Variants in IL1RAPL1 observed in about 807,000 individuals in gnomAD.
The protein encoded by IL1RAPL1 is interleukin-1 receptor accessory protein-like 1.
In IL1RAPL1, 3 loss-of-function variants were observed where a neutral mutation model predicts 48.4. The observed-to-expected ratio is 0.06, with a 90% CI of 0.03 to 0.16. The LOEUF (loss-of-function observed/expected upper bound fraction) is 0.16. Ranked by LOEUF, IL1RAPL1 falls within the 10% of genes least tolerant of loss-of-function variation. IL1RAPL1 has a pLI of 1.00. For synonymous variants in IL1RAPL1, 185 were observed against 187.7 expected, an observed-to-expected ratio of 0.99 and a Z score of 0.12; for missense variants, 349 against 530.6, an observed-to-expected ratio of 0.66 and a Z score of 3.36.
At chrX:28,624,267 T>G (rs143562263) in intron 1 of IL1RAPL1, among the ~76,000 whole-genome samples, 2 of 111,922 alleles carry the variant, frequency 1.8e-5, no homozygotes, top group East Asian at 5.7e-4. Context: ...TGTGTTTGAT[T>G]TCTGCTCCTT....
chrX:29,496,469 C>CT (rs60141942), intron 5 of IL1RAPL1, among the ~76,000 whole-genome samples: 25,661 of 73,079 alleles, frequency 0.35, 4,943 homozygotes, highest in East Asian at 0.57. Flanking sequence ...TTTCTTATTC[C>CT]TTTTTTTTTT....
rs35167913 is a variant in IL1RAPL1, at chrX:29,048,798, G to A, written c.83-234140G>A. On this transcript the variant is annotated intron_variant, in intron 2 of 10. Coordinates refer to ENST00000378993, the MANE Select transcript of IL1RAPL1 (RefSeq NM_014271.4). ...TTGGCCTCACCAGTTTTTATCAAATGTAAGATGCTATTAATTTCAAGATGC... is the reference window on the plus strand; with the variant it reads ...TTGGCCTCACCAGTTTTTATCAAATATAAGATGCTATTAATTTCAAGATGC... Among the ~76,000 whole-genome samples the A allele has an allele frequency of 2.6e-3, 292 of 112,078 alleles. 1 individual carries two copies. Among genetic ancestry groups the A allele is most frequent in the African/African-American group, 9.2e-3 (284 of 30,933 alleles).
At chrX:28,758,927 C>A (rs1259755333) in intron 1 of IL1RAPL1, among the ~76,000 whole-genome samples, 3 of 112,004 alleles carry the variant, frequency 2.7e-5, no homozygotes, top group African/African-American at 9.7e-5. Flanking sequence ...ATGCCTTTCA[C>A]ACTCCATAAA....
intron 5 of IL1RAPL1, among the ~76,000 whole-genome samples, chrX:29,454,623 A>G (rs1364802020): frequency 9.0e-6 from 1 of 111,716 alleles, no homozygotes; most frequent in Non-Finnish European, 1.9e-5. Context: ...GGAGGTAGCC[A>G]GGAATCAAGA....
Position 29,105,946 on chromosome X carries a change from T to C in IL1RAPL1, c.83-176992T>C, listed in dbSNP as rs1569238019. ...CCAAAAAATCTTCCTTATTCTATTT[T>C]GAAGGAAATACCTTCTACCTAGAAT... On this transcript the variant is annotated intron_variant, in intron 2 of 10. Coordinates refer to ENST00000378993, the MANE Select transcript of IL1RAPL1 (RefSeq NM_014271.4). Among the ~76,000 whole-genome samples, 4 of 112,150 alleles carry C rather than the reference T, an allele frequency of 3.6e-5. No homozygotes were observed. The Admixed American group carries it at 3.8e-4, about 11-fold the overall frequency.
chrX:28,671,873 T>A (rs1461570596), intron 1 of IL1RAPL1, among the ~76,000 whole-genome samples: 6 of 112,632 alleles, frequency 5.3e-5, no homozygotes, highest in Non-Finnish European at 1.1e-4. Context: ...AGCATAGTGT[T>A]AAATTGATTC....
rs192186181 is a variant in IL1RAPL1 at position 28,856,051 on chromosome X, C to G, written c.82+66626C>G. ...CAGTGAAGAAACTCAAGTTCTGTTT[C>G]TTGGTCTTCATAATCATGGTGAGAT... On this transcript the variant is annotated intron_variant, in intron 2 of 10. Transcript: ENST00000378993. 6.1e-3 allele frequency among the ~76,000 whole-genome samples: 685 copies of G among 111,845 alleles called. 2 individuals carry two copies. The highest frequency in any genetic ancestry group is 0.011 in the Non-Finnish European group (576 of 53,125).
At chrX:28,871,120 A>C (rs1922197394) in intron 2 of IL1RAPL1, among the ~76,000 whole-genome samples, 1 of 112,172 alleles carries the variant, frequency 8.9e-6, no homozygotes, top group Non-Finnish European at 1.9e-5. Flanking sequence ...TTACATATAC[A>C]AGTATGAAAG....
At chrX:28,981,200 T>C (rs1175945450) in intron 2 of IL1RAPL1, among the ~76,000 whole-genome samples, 2 of 106,406 alleles carry the variant, frequency 1.9e-5, no homozygotes, top group African/African-American at 3.5e-5. Context: ...TGGCTTTTAA[T>C]GGCCTGCCTT....
intron 6 of IL1RAPL1, among the ~76,000 whole-genome samples, chrX:29,741,082 A>G (rs1377680233): frequency 8.9e-6 from 1 of 112,540 alleles, no homozygotes; most frequent in East Asian, 2.8e-4. Context: ...TCTAAACATT[A>G]GTCTTATATC....
intron 2 of IL1RAPL1, among the ~76,000 whole-genome samples, chrX:28,815,810 T>G (rs1601915235): frequency 1.2e-5 from 1 of 83,031 alleles, no homozygotes; most frequent in South Asian, 6.9e-4. Flanking sequence ...GGCAGAATAT[T>G]AATCTATTGT....
intron 5 of IL1RAPL1, among the ~76,000 whole-genome samples, chrX:29,440,890 C>T (rs57080935): frequency 1.8e-5 from 2 of 111,579 alleles, no homozygotes; most frequent in African/African-American, 6.5e-5. Flanking sequence ...TTATTGACTT[C>T]TCATTTCTGG....
intron 2 of IL1RAPL1, among the ~76,000 whole-genome samples, chrX:28,951,506 A>G (rs191063443): frequency 9.1e-6 from 1 of 110,427 alleles, no homozygotes; most frequent in East Asian, 2.9e-4. Flanking sequence ...TTTATAGAAT[A>G]TCAGCCTTTT....
In IL1RAPL1 at chrX:28,869,831, A is replaced by C. The variant is rs113647786; in HGVS notation, c.82+80406A>C. 1.4e-3 allele frequency among the ~76,000 whole-genome samples: 160 copies of C among 111,570 alleles called. 1 individual carries two copies. The highest frequency in any genetic ancestry group is 4.9e-3 in the African/African-American group (152 of 30,837). Reference sequence around the variant, plus strand: ...TTTTAGAATATTTTATTTAACCCCCAAAAAACCCCATACCTATTAGCAGTC... The same window carrying C: ...TTTTAGAATATTTTATTTAACCCCCCAAAAACCCCATACCTATTAGCAGTC... On this transcript the variant is annotated intron_variant, in intron 2 of 10. Transcript: ENST00000378993.
In IL1RAPL1 at chrX:29,208,732, TAATA is replaced by T. The variant is rs765774653; in HGVS notation, c.83-74187_83-74184del. On this transcript the variant is annotated intron_variant, in intron 2 of 10. Transcript: ENST00000378993. Reference sequence around the variant, plus strand: ...AAAATAATAATAATAATAATAATAATAATAAATAAATAAATAAATAAAAGTCTTA... The same window carrying T: ...AAAATAATAATAATAATAATAATAATAATAAATAAATAAATAAAAGTCTTA... Among the ~76,000 whole-genome samples, 82 of 81,763 alleles carry T rather than the reference TAATA, an allele frequency of 1.0e-3. 1 individual carries two copies. The highest frequency in any genetic ancestry group is 3.1e-3 in the East Asian group (5 of 1,624). The allele number at this position is 81,763 out of a possible 115,157, so 71.0% of individuals were successfully genotyped here.
Position 29,881,311 on chromosome X carries a change from T to C in IL1RAPL1, c.779-36153T>C, listed in dbSNP as rs1003902267. ...TCAAATTTTAAAAGTGGAGGATGTG[T>C]GGAGCCAAAAGGAGGTCGCCTTATT... is the stretch of plus-strand genomic sequence containing the variant. On this transcript the variant is annotated intron_variant, in intron 6 of 10. Transcript: ENST00000378993. 2.7e-5 allele frequency among the ~76,000 whole-genome samples: 3 copies of C among 111,215 alleles called. No homozygotes were observed. In the Admixed American group the frequency reaches 2.9e-4, roughly 11 times the overall value.
intron 2 of IL1RAPL1, among the ~76,000 whole-genome samples, chrX:28,948,526 G>T (rs1436985671): frequency 9.0e-6 from 1 of 111,007 alleles, no homozygotes; most frequent in African/African-American, 3.3e-5. Context: ...TTGAACTCTG[G>T]CACTTTATCT....
intron 6 of IL1RAPL1, among the ~76,000 whole-genome samples, chrX:29,686,527 C>A (rs4829267): frequency 9.8e-6 from 1 of 102,391 alleles, no homozygotes; most frequent in African/African-American, 3.7e-5. Context: ...CCCCCCACCC[C>A]CCTAAAGATT....
intron 1 of IL1RAPL1, among the ~76,000 whole-genome samples, chrX:28,637,260 C>T (rs1398960107): frequency 9.0e-6 from 1 of 111,197 alleles, no homozygotes; most frequent in Non-Finnish European, 1.9e-5. Context: ...GCCAGAAATG[C>T]TCTTCCCTCC....
Sources: allele counts gnomAD v4.1 joint callset (sites outside exome capture counted in the v4.1 genomes callset), GRCh38; gene constraint gnomAD v4.1.1; transcripts MANE v1.5; gene names NCBI Gene and HGNC (gene_info 2026-07-23, HGNC 2026-07-21).